The following FERMT2 variants were observed in gnomAD, a reference collection of about 807,000 sequenced individuals.
FERMT2 encodes the protein FERM domain containing kindlin 2.
Under a neutral mutation model 82.7 loss-of-function variants are expected in FERMT2, and 15 were observed. The observed-to-expected ratio is 0.18, with a 90% CI of 0.12 to 0.28. The LOEUF (loss-of-function observed/expected upper bound fraction) is 0.28. Among genes scored for constraint, FERMT2 ranks in the 10% least tolerant of loss-of-function variants. The pLI is 1.00. For synonymous variants in FERMT2, 274 were observed against 271.5 expected (o/e 1.01, Z -0.09); for missense variants, 645 against 809.4 (o/e 0.80, Z 2.46).
At chr14:52,915,681 AGAT>A (rs907554064) in intron 3 of FERMT2, among the ~76,000 whole-genome samples, 2 of 152,258 alleles carry the variant, frequency 1.3e-5, no homozygotes, top group African/African-American at 2.4e-5. Context: ...CAGAAAATAT[AGAT>A]GATACCTGTA....
intron 2 of FERMT2, among the ~76,000 whole-genome samples, chr14:52,948,806 T>C (rs1200474354): frequency 6.6e-6 from 1 of 152,176 alleles, no homozygotes; most frequent in Non-Finnish European, 1.5e-5. Context: ...CTTCAACAGC[T>C]CCTTTTTTTG....
intron 2 of FERMT2, among the ~76,000 whole-genome samples, chr14:52,940,859 G>A (rs1026786194): frequency 6.6e-6 from 1 of 152,164 alleles, no homozygotes; most frequent in Non-Finnish European, 1.5e-5. Context: ...AGACCTGACA[G>A]CAACTGGAAC....
At chr14:52,946,883 G>C (rs1451848872) in intron 2 of FERMT2, among the ~76,000 whole-genome samples, 1 of 151,902 alleles carries the variant, frequency 6.6e-6, no homozygotes, top group African/African-American at 2.4e-5. Flanking sequence ...ATGTTGGTCA[G>C]GCTGGTCTCG....
intron 7 of FERMT2, among the ~76,000 whole-genome samples, chr14:52,877,148 T>C (rs1309418211): frequency 2.6e-5 from 4 of 152,204 alleles, no homozygotes; most frequent in Non-Finnish European, 5.9e-5. Flanking sequence ...GTGCCAGGCA[T>C]ATAATAGGCA....
intron 14 of FERMT2, chr14:52,858,800 C>T (rs1884722580): frequency 2.7e-6 from 1 of 374,546 alleles, no homozygotes; most frequent in African/African-American, 2.0e-5. Context: ...GGTTTTAGGT[C>T]GTTCAGTTCT....
intron 2 of FERMT2, among the ~76,000 whole-genome samples, chr14:52,947,759 TCTTTTGTTA>T (rs1890429298): frequency 6.6e-6 from 1 of 152,126 alleles, no homozygotes; most frequent in African/African-American, 2.4e-5. Flanking sequence ...TGTCATGACT[TCTTTTGTTA>T]CAGACCTCTT....
intron 2 of FERMT2, among the ~76,000 whole-genome samples, chr14:52,929,043 C>T (rs1416069261): frequency 6.6e-6 from 1 of 152,118 alleles, no homozygotes; most frequent in African/African-American, 2.4e-5. Context: ...TACTCAGACG[C>T]CAGCCTATAC....
chr14:52,858,798 G>GTCGT, intron 14 of FERMT2: 1 of 387,590 alleles, frequency 2.6e-6, no homozygotes, highest in East Asian at 4.0e-5. Context: ...AGGGTTTTAG[G>GTCGT]TCGTTCAGTT....
At chr14:52,885,830 A>C (rs1303614440) in intron 4 of FERMT2, among the ~76,000 whole-genome samples, 1 of 152,124 alleles carries the variant, frequency 6.6e-6, no homozygotes, top group Admixed American at 6.5e-5. Flanking sequence ...ATATTTTATC[A>C]AAAGAATTTT....
chr14:52,892,159 G>GTTTT (rs1555368979), intron 4 of FERMT2, among the ~76,000 whole-genome samples: 9 of 78,826 alleles, frequency 1.1e-4, no homozygotes, highest in African/African-American at 3.5e-4. Context: ...AGAGAAGGCT[G>GTTTT]TTTTTTGTTT....
At chr14:52,924,379 C>T (rs1889133123) in intron 2 of FERMT2, among the ~76,000 whole-genome samples, 1 of 151,850 alleles carries the variant, frequency 6.6e-6, no homozygotes, top group Admixed American at 6.6e-5. Flanking sequence ...ATGCCTGGCC[C>T]CACCCTAAAC....
rs961356295 is a variant in FERMT2, at chr14:52,893,286, G to A, written c.526+7C>T. 3 of 1,591,054 alleles carry A rather than the reference G, an allele frequency of 1.9e-6. No individual in the cohort carries two copies. The African/African-American group carries it at 4.1e-5, about 22-fold the overall frequency. ...ACTTTGAGTCCATTGCTTGGTAAAA[G>A]TCTTACCTGATCCAGGAGTGATAAG... On this transcript the variant is annotated splice_region_variant and intron_variant, in intron 4 of 14. Coordinates refer to ENST00000341590, the MANE Select transcript of FERMT2 (RefSeq NM_006832.3).
At chr14:52,940,208 G>A (rs891035506) in intron 2 of FERMT2, among the ~76,000 whole-genome samples, 13 of 152,286 alleles carry the variant, frequency 8.5e-5, no homozygotes, top group Middle Eastern at 3.4e-3. Flanking sequence ...CACTGACACT[G>A]GCTGGTCCTT....
chr14:52,857,753 T>C lies in FERMT2; in HGVS notation c.*624A>G, dbSNP rs1410964281. ...AGACAGTGATTATGCTGGTGAATAC[T>C]AAAAGTGTAATACAATATGGTGTAA... On this transcript the variant is annotated 3_prime_UTR_variant, in exon 15 of 15. Transcript: ENST00000341590. The C allele has an allele frequency of 6.6e-6, 1 of 152,658 alleles. No individual in the cohort carries two copies. Among genetic ancestry groups the C allele is most frequent in the East Asian group, 1.9e-4 (1 of 5,200 alleles). The allele number at this position is 152,658 out of a possible 1,614,324, so 9.5% of individuals were successfully genotyped here.
intron 2 of FERMT2, among the ~76,000 whole-genome samples, chr14:52,949,814 C>A (rs1307618349): frequency 6.6e-6 from 1 of 152,138 alleles, no homozygotes; most frequent in Admixed American, 6.5e-5. Flanking sequence ...ACGCTCGAAA[C>A]GGCTTACATC....
intron 3 of FERMT2, among the ~76,000 whole-genome samples, chr14:52,899,790 T>C (rs1004800011): frequency 2.6e-5 from 4 of 152,188 alleles, no homozygotes; most frequent in African/African-American, 9.7e-5. Context: ...TTCACTGACA[T>C]GAGAATTTAG....
At chr14:52,872,569 A>G (rs539932036) in intron 10 of FERMT2, among the ~76,000 whole-genome samples, 1 of 152,340 alleles carries the variant, frequency 6.6e-6, no homozygotes, top group African/African-American at 2.4e-5. Flanking sequence ...CATACATTTC[A>G]GGTCAAGTCT....
chr14:52,913,458 C>G lies in FERMT2; in HGVS notation c.391+5665G>C, dbSNP rs559655535. 2.0e-5 allele frequency among the ~76,000 whole-genome samples: 3 copies of G among 152,224 alleles called. No individual in the cohort carries two copies. The South Asian group carries it at 6.2e-4, about 32-fold the overall frequency. ...GTATTTGTTATCCTGGCTTGAGTCA[C>G]GAGTTCCTGATTCAAAGTTCTAGGA... On this transcript the variant is annotated intron_variant, in intron 3 of 14. Coordinates refer to ENST00000341590, the MANE Select transcript of FERMT2 (RefSeq NM_006832.3).
In FERMT2 at chr14:52,864,789, T is replaced by A. The variant is rs1191500885; in HGVS notation, c.1338A>T (p.Pro446=). The A allele has an allele frequency of 6.2e-7, 1 of 1,612,556 alleles. No homozygotes were observed. The highest frequency in any genetic ancestry group is 1.3e-5 in the African/African-American group (1 of 74,922). Residue 446 remains proline (P), a synonymous_variant, in exon 11 of 15, where the codon CCA becomes CCT. Transcript: ENST00000341590. ...AGATTTCATTCATGCCTTCTGCAACTGGAATCAGGAGTTTAATGTTAAATT... is the reference window on the plus strand; with the variant it reads ...AGATTTCATTCATGCCTTCTGCAACAGGAATCAGGAGTTTAATGTTAAATT... ...GQKFNIKLLI[P]VAEGMNEIWL... is the part of the protein sequence containing the mutation.
Sources: allele counts gnomAD v4.1 joint callset (sites outside exome capture counted in the v4.1 genomes callset), GRCh38; gene constraint gnomAD v4.1.1; transcripts MANE v1.5; gene names NCBI Gene and HGNC (gene_info 2026-07-23, HGNC 2026-07-21).